Variants in CEP162 observed in about 807,000 individuals in gnomAD.
The protein encoded by CEP162 is centrosomal protein of 162 kDa.
A neutral mutation model predicts 169.2 loss-of-function variants in CEP162; 141 were observed. That is an observed-to-expected ratio of 0.83 (90% confidence interval 0.73 to 0.96). The LOEUF (loss-of-function observed/expected upper bound fraction) is 0.96. Ranked by LOEUF, CEP162 falls within the 40% of genes least tolerant of loss-of-function variation. CEP162 has a pLI of 0.00. For synonymous variants in CEP162, 540 were observed against 526.4 expected (o/e 1.03, Z -0.35); for missense variants, 1,600 against 1,587.2 (o/e 1.01, Z -0.14).
chr6:84,138,869 G>A (rs2099515285), intron 25 of CEP162, among the ~76,000 whole-genome samples: 1 of 152,154 alleles, frequency 6.6e-6, no homozygotes, highest in Non-Finnish European at 1.5e-5. Context: ...CTTAAACACT[G>A]AAAAGAATGC....
At chr6:84,169,287 C>A (rs781539546) in intron 18 of CEP162, 41 bp downstream of exon 18, 60 of 1,089,914 alleles carry the variant, frequency 5.5e-5, no homozygotes, top group South Asian at 4.7e-4. Context: ...TTTTATAAAA[C>A]CTTTATTATC....
intron 11 of CEP162, 113 bp downstream of exon 11, chr6:84,193,496 T>A: frequency 3.6e-6 from 2 of 552,676 alleles, no homozygotes; most frequent in Non-Finnish European, 6.3e-6. Flanking sequence ...GAGTTATGAC[T>A]CACAGGTAGA....
chr6:84,195,039 G>C lies in CEP162; in HGVS notation c.872C>G (p.Ala291Gly), dbSNP rs1037440927. 1 of 1,604,520 alleles carries C rather than the reference G, an allele frequency of 6.2e-7. No homozygotes were observed. Among genetic ancestry groups the C allele is most frequent in the African/African-American group, 1.3e-5 (1 of 74,778 alleles). ...SYGQSSSDVE[A>G]LHQAYCHIAH... ...TATATGACAATAAGCTTGATGTAGG[G>C]CTTCAACGTCACTACTGCTTTGTCC... The change falls in exon 10 of 27, where the codon GCC becomes GGC. Residue 291 changes from alanine to glycine, a missense_variant. By Grantham distance (60) the Ala-to-Gly change is moderately conservative (BLOSUM62 0). Transcript: ENST00000403245.
chr6:84,193,555 A>G, intron 11 of CEP162, 54 bp downstream of exon 11: 1 of 1,077,260 alleles, frequency 9.3e-7, no homozygotes, highest in South Asian at 1.4e-5. Flanking sequence ...GATTACATAG[A>G]ACAAATGACT....
intron 23 of CEP162, among the ~76,000 whole-genome samples, chr6:84,151,919 G>C (rs928446977): frequency 6.6e-6 from 1 of 152,022 alleles, no homozygotes; most frequent in Non-Finnish European, 1.5e-5. Flanking sequence ...AAGTGAGATA[G>C]AAATAAAAGA....
rs759813499 is a variant in CEP162 at position 84,175,642 on chromosome 6, C to T, written c.1664-295G>A. 1.1e-3 allele frequency among the ~76,000 whole-genome samples: 161 copies of T among 152,148 alleles called. 2 individuals are homozygous for T. Among genetic ancestry groups the T allele is most frequent in the Admixed American group, 4.6e-4 (7 of 15,266 alleles). On this transcript the variant is annotated intron_variant, in intron 13 of 26. Transcript: ENST00000403245. ...TGAGAATGTGGATAGAAATAACTTT[C>T]AGAGTTTATTAGTTTTAAATAAATT...
rs200304249 is a variant in CEP162 at position 84,209,045 on chromosome 6, GGT to G, written c.571+3910_571+3911del. On this transcript the variant is annotated intron_variant, in intron 6 of 26. Transcript: ENST00000403245. ...TTTGGGAACTAATAGGAGGCGCTGT[GGT>G]GTGTGTGTGTGACTGCATAAAGAAA... is the stretch of plus-strand genomic sequence containing the variant. Among the ~76,000 whole-genome samples, 523 of 152,060 alleles carry G rather than the reference GGT, an allele frequency of 3.4e-3. 3 individuals carry two copies. Among genetic ancestry groups the G allele is most frequent in the African/African-American group, 0.012 (480 of 41,496 alleles).
At chr6:84,223,310 C>A (rs1293737613) in intron 2 of CEP162, among the ~76,000 whole-genome samples, 1 of 151,360 alleles carries the variant, frequency 6.6e-6, no homozygotes, top group Admixed American at 6.6e-5. Flanking sequence ...ACCAGCCTGA[C>A]CAACATGGTG....
chr6:84,152,907 T>A lies in CEP162; in HGVS notation c.3267A>T (p.Arg1089Ser). The part of the protein sequence containing the change: ...EQAHAKAKLV[R>S]LNEELAAKKR... ...TTTTTGCAGCCAGTTCTTCATTGAG[T>A]CTTACTAATTTAGCTTTAGCATGAG... The change falls in exon 23 of 27, where the codon AGA (arginine) becomes AGT (serine). Residue 1089 changes from arginine to serine, a missense_variant. Arg to Ser is a moderately radical substitution (Grantham distance 110). Transcript: ENST00000403245. 6.2e-7 allele frequency: 1 copy of A among 1,613,732 alleles called. No homozygotes were observed. Among genetic ancestry groups the A allele is most frequent in the African/African-American group, 1.3e-5 (1 of 75,014 alleles).
chr6:84,163,712 T>G (rs1262765403), intron 18 of CEP162, among the ~76,000 whole-genome samples: 3 of 151,918 alleles, frequency 2.0e-5, no homozygotes, highest in Non-Finnish European at 4.4e-5. Context: ...ATGCCTGTAA[T>G]CTCAGTACTT....
chr6:84,204,951 A>G (rs920989203), intron 6 of CEP162, among the ~76,000 whole-genome samples: 2 of 151,326 alleles, frequency 1.3e-5, no homozygotes, highest in South Asian at 4.2e-4. Flanking sequence ...AACACCCCCT[A>G]AGCAAATAAA....
intron 2 of CEP162, among the ~76,000 whole-genome samples, chr6:84,221,408 C>A (rs1025646787): frequency 6.6e-6 from 1 of 152,058 alleles, no homozygotes; most frequent in Admixed American, 6.5e-5. Context: ...AGGAGAATAA[C>A]AACAAAGACG....
chr6:84,139,963 G>C (rs909837175), intron 25 of CEP162, among the ~76,000 whole-genome samples: 8 of 152,242 alleles, frequency 5.3e-5, no homozygotes, highest in Admixed American at 1.3e-4. Context: ...CACCAGACTG[G>C]TGTCTGTTTA....
At chr6:84,166,673 C>A (rs1055772934) in intron 18 of CEP162, among the ~76,000 whole-genome samples, 2 of 152,268 alleles carry the variant, frequency 1.3e-5, no homozygotes, top group Admixed American at 1.3e-4. Context: ...TCCTCCCAAT[C>A]CTGGGATACT....
intron 2 of CEP162, among the ~76,000 whole-genome samples, chr6:84,224,838 T>C (rs1036902031): frequency 1.1e-4 from 17 of 152,196 alleles, no homozygotes; most frequent in African/African-American, 3.6e-4. Context: ...AAAAGGCCTG[T>C]TCTGCTATCT....
chr6:84,199,025 C>G (rs1326075592), intron 9 of CEP162, among the ~76,000 whole-genome samples: 2 of 152,124 alleles, frequency 1.3e-5, no homozygotes, highest in African/African-American at 2.4e-5. Context: ...TAATGCTCAT[C>G]TCAGAATAAA....
At position 84,200,871 on chromosome 6, in the gene CEP162, C is replaced by T. The variant is rs769820009; in HGVS notation, c.753G>A (p.Glu251=). 9.3e-6 allele frequency: 15 copies of T among 1,610,370 alleles called. No homozygotes were observed. The highest frequency in any genetic ancestry group is 8.8e-5 in the South Asian group (8 of 90,906). ...VLLDSLDSVA[E]VNLDEQDKIT... is the part of the protein sequence containing the mutation. The stretch of plus-strand genomic sequence containing the variant: ...TTTTATCTTGTTCATCAAGATTGAC[C>T]TCTGCAACAGAGTCTAATGAATCAA... Residue 251 remains glutamate, a synonymous_variant, in exon 9 of 27, where the codon GAG becomes GAA. Transcript: ENST00000403245.
At chr6:84,148,496 G>A (rs1036831371) in intron 24 of CEP162, among the ~76,000 whole-genome samples, 2 of 150,214 alleles carry the variant, frequency 1.3e-5, no homozygotes, top group African/African-American at 5.0e-5. Context: ...CTGGGTGACA[G>A]AAGGAGACTG....
intron 3 of CEP162, among the ~76,000 whole-genome samples, chr6:84,217,075 G>A (rs765342607): frequency 1.8e-4 from 28 of 151,984 alleles, no homozygotes; most frequent in Non-Finnish European, 3.8e-4. Flanking sequence ...TTACCATCAC[G>A]AAGGTTAAAA....
Sources: gnomAD v4.1 joint callset for allele counts (sites outside exome capture counted in the v4.1 genomes callset) on GRCh38, gnomAD v4.1.1 for gene constraint, MANE v1.5 for transcripts, NCBI Gene and HGNC (gene_info 2026-07-23, HGNC 2026-07-21) for gene names.